The following RANBP2 variants were observed in gnomAD, a reference collection of about 807,000 sequenced individuals.
RANBP2 encodes E3 SUMO-protein ligase RanBP2.
In RANBP2, 57 loss-of-function variants were observed where a neutral mutation model predicts 303.6. The observed-to-expected ratio is 0.19, with a 90% CI of 0.15 to 0.23. The LOEUF is 0.23. Ranked by LOEUF, RANBP2 falls within the 10% of genes least tolerant of loss-of-function variation. The pLI is 1.00. For synonymous variants in RANBP2, 1,167 were observed against 1,301.5 expected (o/e 0.90, Z 2.23); for missense variants, 3,138 against 3,780.8 (o/e 0.83, Z 4.46).
chr2:108,970,720 G>A, the RANBP2 span, among the ~76,000 whole-genome samples: 1 of 152,192 alleles, frequency 6.6e-6, no homozygotes, highest in Non-Finnish European at 1.5e-5. Flanking sequence ...TAAAAGCTAA[G>A]ATGATGGTTT....
At chr2:109,303,011 G>A in the RANBP2 span, among the ~76,000 whole-genome samples, 2 of 152,184 alleles carry the variant, frequency 1.3e-5, no homozygotes, top group South Asian at 4.2e-4. Flanking sequence ...CTAGTAGCTG[G>A]GATTACAGGC....
the RANBP2 span, among the ~76,000 whole-genome samples, chr2:108,917,344 C>G: frequency 6.6e-6 from 1 of 152,116 alleles, no homozygotes; most frequent in African/African-American, 2.4e-5. Context: ...AGCTCTGGCA[C>G]GCTGCAGGGT....
the RANBP2 span, among the ~76,000 whole-genome samples, chr2:109,292,270 A>G: frequency 6.6e-6 from 1 of 152,264 alleles, no homozygotes; most frequent in Non-Finnish European, 1.5e-5. Flanking sequence ...TAAATAGGAA[A>G]TAAAAGTTGC....
At chr2:108,737,474 G>A (rs1413607157) in intron 6 of RANBP2, among the ~76,000 whole-genome samples, 1 of 150,908 alleles carries the variant, frequency 6.6e-6, no homozygotes, top group African/African-American at 2.4e-5. Context: ...GAGTAGCTGG[G>A]ACTACAGGCG....
the RANBP2 span, among the ~76,000 whole-genome samples, chr2:108,840,116 T>C: frequency 6.6e-6 from 1 of 152,152 alleles, no homozygotes; most frequent in Non-Finnish European, 1.5e-5. Context: ...TTGATACATG[T>C]TCTTTTTCAT....
chr2:109,054,472 C>G, the RANBP2 span, among the ~76,000 whole-genome samples: 27 of 151,980 alleles, frequency 1.8e-4, no homozygotes, highest in African/African-American at 6.3e-4. Context: ...TTTGGGAGGC[C>G]GAGGTGGGCA....
the RANBP2 span, chr2:109,129,558 C>T: frequency 2.7e-6 from 4 of 1,492,250 alleles, no homozygotes; most frequent in East Asian, 2.8e-5. Flanking sequence ...TCGGAGCGTC[C>T]TGGCTGTGCG....
At chr2:109,155,322 A>G in the RANBP2 span, among the ~76,000 whole-genome samples, 2 of 152,180 alleles carry the variant, frequency 1.3e-5, no homozygotes, top group Admixed American at 6.5e-5. Context: ...TGTTTTAGAG[A>G]TGGAGTCTCG....
chr2:109,760,031 CT>C, the RANBP2 span, among the ~76,000 whole-genome samples: 1 of 145,590 alleles, frequency 6.9e-6, no homozygotes, highest in African/African-American at 2.6e-5. Context: ...TCATTTTCCC[CT>C]CTCTTTTCTC....
chr2:109,078,399 C>A, the RANBP2 span, among the ~76,000 whole-genome samples: 1 of 144,594 alleles, frequency 6.9e-6, no homozygotes, highest in Non-Finnish European at 1.5e-5. Context: ...AGTGAAAAAG[C>A]CAGACACAAA....
chr2:109,367,784 C>T, the RANBP2 span, among the ~76,000 whole-genome samples: 1 of 152,170 alleles, frequency 6.6e-6, no homozygotes, highest in African/African-American at 2.4e-5. Context: ...AATCTTTCTG[C>T]ACACTTGATT....
At chr2:109,657,240 G>C in the RANBP2 span, among the ~76,000 whole-genome samples, 1 of 152,128 alleles carries the variant, frequency 6.6e-6, no homozygotes, top group African/African-American at 2.4e-5. Flanking sequence ...GAGGTCAGGA[G>C]TTTGAGACCA....
chr2:109,246,334 TCTCA>T, the RANBP2 span, among the ~76,000 whole-genome samples: 1 of 152,182 alleles, frequency 6.6e-6, no homozygotes, highest in Non-Finnish European at 1.5e-5. Context: ...GACGGTGCCT[TCTCA>T]CTGTGTCCTC....
the RANBP2 span, among the ~76,000 whole-genome samples, chr2:109,013,463 A>G: frequency 6.6e-6 from 1 of 152,364 alleles, no homozygotes; most frequent in South Asian, 2.1e-4. Flanking sequence ...GTTACAGACA[A>G]CTGAATAAAG....
chr2:109,629,550 C>T, the RANBP2 span, among the ~76,000 whole-genome samples: 1 of 151,658 alleles, frequency 6.6e-6, no homozygotes, highest in Non-Finnish European at 1.5e-5. Flanking sequence ...CAATGGCTCA[C>T]ACCTGTAATC....
At chr2:109,103,609 T>C in the RANBP2 span, among the ~76,000 whole-genome samples, 7 of 152,308 alleles carry the variant, frequency 4.6e-5, no homozygotes, top group African/African-American at 9.6e-5. Flanking sequence ...GCGGCGGTTA[T>C]GGAAGCCAAG....
chr2:108,746,687 G>A (rs1395561356), intron 7 of RANBP2, 24 bp from the exon 8 acceptor site: 2 of 975,122 alleles, frequency 2.1e-6, no homozygotes, highest in Non-Finnish European at 3.0e-6. Context: ...ATCAAATTAA[G>A]ATTTTTGATT....
At chr2:109,339,362 A>AAT in the RANBP2 span, among the ~76,000 whole-genome samples, 1 of 152,104 alleles carries the variant, frequency 6.6e-6, no homozygotes, top group African/African-American at 2.4e-5. Context: ...TTTGGGTTGA[A>AAT]ATAAGGACCT....
the RANBP2 span, among the ~76,000 whole-genome samples, chr2:109,427,054 C>T: frequency 1.4e-4 from 21 of 152,154 alleles, no homozygotes; most frequent in African/African-American, 3.9e-4. Context: ...CTGGAACCTT[C>T]GCCTCCTGGG....
Sources: gnomAD v4.1 joint callset for allele counts (sites outside exome capture counted in the v4.1 genomes callset) on GRCh38, gnomAD v4.1.1 for gene constraint, MANE v1.5 for transcripts, NCBI Gene and HGNC (gene_info 2026-07-23, HGNC 2026-07-21) for gene names.